The following SCD variants were observed in gnomAD, a reference collection of about 807,000 sequenced individuals.
SCD encodes stearoyl-CoA desaturase, also known as acyl-CoA desaturase.
In SCD, 4 loss-of-function variants were observed where a neutral mutation model predicts 35.7. The observed-to-expected ratio is 0.11, with a 90% confidence interval of 0.06 to 0.26. SCD has a LOEUF of 0.26. Among genes scored for constraint, SCD ranks in the 10% least tolerant of loss-of-function variants. The pLI is 1.00. For missense variants in SCD, 282 were observed against 460.7 expected, an observed-to-expected ratio of 0.61 and a Z score of 3.55; for synonymous variants, 150 against 170.2, an observed-to-expected ratio of 0.88 and a Z score of 0.92.
intron 5 of SCD, among the ~76,000 whole-genome samples, chr10:100,358,561 C>T (rs1368193367): frequency 3.5e-5 from 5 of 144,120 alleles, no homozygotes; most frequent in Non-Finnish European, 6.0e-5. Flanking sequence ...CACTGCAGTC[C>T]GCAGTCCGGC....
At chr10:100,353,402 A>G (rs1431562833) in intron 3 of SCD, among the ~76,000 whole-genome samples, 3 of 152,090 alleles carry the variant, frequency 2.0e-5, no homozygotes, top group Non-Finnish European at 2.9e-5. Context: ...TGGCTAACAC[A>G]GTGAAACTCT....
At position 100,356,601 on chromosome 10, in the gene SCD, T is replaced by C. The variant is rs767520845; in HGVS notation, c.717T>C (p.Gly239=). ...CGCTTGTGCCCTGGTATTTCTGGGG[T>C]GAAACTTTTCAAAACAGTGTGTTCG... The part of the protein sequence containing the change: ...LPTLVPWYFW[G]ETFQNSVFVA... Residue 239 remains glycine, a synonymous_variant, in exon 5 of 6, where the codon GGT becomes GGC. Transcript: ENST00000370355. This position sits in a 1 kb window ranked among gnomAD's most constrained non-coding sequence, Gnocchi z 4.1. 1 of 1,614,184 alleles carries C rather than the reference T, an allele frequency of 6.2e-7. No individual in the cohort carries two copies. Among genetic ancestry groups the C allele is most frequent in the South Asian group, 1.1e-5 (1 of 91,082 alleles).
At chr10:100,353,439 G>A (rs1170032577) in intron 3 of SCD, among the ~76,000 whole-genome samples, 1 of 152,074 alleles carries the variant, frequency 6.6e-6, no homozygotes, top group African/African-American at 2.4e-5. Flanking sequence ...CAAAAAATTA[G>A]CCAGGCGTGG....
At chr10:100,355,577 G>A (rs1849919840) in intron 4 of SCD, among the ~76,000 whole-genome samples, 1 of 152,222 alleles carries the variant, frequency 6.6e-6, no homozygotes, top group South Asian at 2.1e-4. Context: ...TTACGGACGT[G>A]CTTTAGGAAG....
rs1416274575 is a variant in SCD at position 100,363,439 on chromosome 10, G to A, written c.*2506G>A. 1 of 152,320 alleles carries A rather than the reference G, an allele frequency of 6.6e-6. No individual in the cohort carries two copies. The highest frequency in any genetic ancestry group is 1.5e-5 in the Non-Finnish European group (1 of 68,034). The allele number at this position is 152,320 out of a possible 1,614,324, so 9.4% of individuals were successfully genotyped here. ...GTTAGCCTGGACTAAAGGCATCCTTGTCTTTTGAGCTATTCACCTCAGTAG... is the reference window on the plus strand; with the variant it reads ...GTTAGCCTGGACTAAAGGCATCCTTATCTTTTGAGCTATTCACCTCAGTAG... On this transcript the variant is annotated 3_prime_UTR_variant, in exon 6 of 6. Coordinates refer to ENST00000370355, the MANE Select transcript of SCD (RefSeq NM_005063.5).
rs1849878951 is a variant in SCD at position 100,352,199 on chromosome 10, A to G, written c.311-167A>G. ...AGAGGTTGGGGGGTGATATTTTTCA[A>G]GTGGTAAAATCTAAGGGATGTGGTT... On this transcript the variant is annotated intron_variant, in intron 2 of 5. Coordinates refer to ENST00000370355, the MANE Select transcript of SCD (RefSeq NM_005063.5). This position sits in a 1 kb window ranked among gnomAD's most constrained non-coding sequence, Gnocchi z 4.2. Among the ~76,000 whole-genome samples, 1 of 151,934 alleles carries G rather than the reference A, an allele frequency of 6.6e-6. No homozygotes were observed. Among genetic ancestry groups the G allele is most frequent in the African/African-American group, 2.4e-5 (1 of 41,346 alleles).
chr10:100,354,807 CTA>C (rs1435455945), intron 4 of SCD, among the ~76,000 whole-genome samples, 175 bp downstream of exon 4: 1 of 152,212 alleles, frequency 6.6e-6, no homozygotes, highest in Non-Finnish European at 1.5e-5. Context: ...TAGCCATAGA[CTA>C]TTGCTCCATT....
In SCD at chr10:100,356,515, CT is replaced by C. The variant is rs1199345691; in HGVS notation, c.648-16del. ...GAGTCCCCCTCCATTGACCTGGTGT[CT>C]GGTCTGTCAATGTAGGTACTACAAA... On this transcript the variant is annotated splice_polypyrimidine_tract_variant and intron_variant, in intron 4 of 5. Transcript: ENST00000370355. The surrounding 1 kb of genome is among the most constrained non-coding windows in gnomAD (Gnocchi z 4.1). The C allele has an allele frequency of 6.3e-7, 1 of 1,593,792 alleles. No homozygotes were observed. Among genetic ancestry groups the C allele is most frequent in the South Asian group, 1.1e-5 (1 of 90,690 alleles).
Position 100,354,549 on chromosome 10 carries a change from C to G in SCD, c.564C>G (p.Arg188=), listed in dbSNP as rs750554323. Reference sequence around the variant, plus strand: ...CTCACGTGGGTTGGCTGCTTGTGCGCAAACACCCAGCTGTCAAAGAGAAGG... The same window carrying G: ...CTCACGTGGGTTGGCTGCTTGTGCGGAAACACCCAGCTGTCAAAGAGAAGG... ...FFSHVGWLLV[R]KHPAVKEKGS... is the part of the protein sequence containing the mutation. The change falls in exon 4 of 6, where the codon CGC becomes CGG. Residue 188 remains arginine (R), a synonymous_variant. Transcript: ENST00000370355. The G allele has an allele frequency of 6.2e-6, 10 of 1,614,028 alleles. No homozygotes were observed.
intron 2 of SCD, among the ~76,000 whole-genome samples, chr10:100,350,271 G>T (rs1021216665): frequency 6.6e-6 from 1 of 152,116 alleles, no homozygotes; most frequent in East Asian, 1.9e-4. Flanking sequence ...AGGGTCAGAG[G>T]TCTCAACTTG....
rs745444418 is a variant in SCD at position 100,356,569 on chromosome 10, C to T, written c.685C>T (p.Leu229=). 4 of 1,614,084 alleles carry T rather than the reference C, an allele frequency of 2.5e-6. No individual in the cohort carries two copies. The highest frequency in any genetic ancestry group is 3.4e-6 in the Non-Finnish European group (4 of 1,179,932). Residue 229 remains leucine (L), a synonymous_variant, in exon 5 of 6, where the codon CTG becomes TTG. Coordinates refer to ENST00000370355, the MANE Select transcript of SCD (RefSeq NM_005063.5). This position sits in a 1 kb window ranked among gnomAD's most constrained non-coding sequence, Gnocchi z 4.1. The part of the protein sequence containing the change: ...KPGLLMMCFI[L]PTLVPWYFWG... ...TGGCTTGCTGATGATGTGCTTCATC[C>T]TGCCCACGCTTGTGCCCTGGTATTT... is the stretch of plus-strand genomic sequence containing the variant.
At chr10:100,347,775 T>G (rs1849815559) in intron 1 of SCD, among the ~76,000 whole-genome samples, 1 of 152,052 alleles carries the variant, frequency 6.6e-6, no homozygotes, top group South Asian at 2.1e-4. Context: ...ATTATGCGGG[T>G]TTTCCTTTGT....
Position 100,354,443 on chromosome 10 carries a change from G to A in SCD, c.458G>A (p.Trp153Ter), listed in dbSNP as rs1298783518. The change falls in exon 4 of 6, where the codon TGG (tryptophan) becomes TAG (stop). Residue 153 changes from tryptophan to a stop codon, truncating the protein, a stop_gained. Transcript: ENST00000370355. LOFTEE classifies it high-confidence loss of function. ...TCTCCCCAGAATGATGTCTATGAATGGGCTCGTGACCACCGTGCCCACCAC... is the reference window on the plus strand; with the variant it reads ...TCTCCCCAGAATGATGTCTATGAATAGGCTCGTGACCACCGTGCCCACCAC... ...TMAFQNDVYE[W>*]ARDHRAHHKF... 1 of 1,613,706 alleles carries A rather than the reference G, an allele frequency of 6.2e-7. No homozygotes were observed. The highest frequency in any genetic ancestry group is 8.5e-7 in the Non-Finnish European group (1 of 1,179,654).
chr10:100,359,092 C>A (rs560966430), intron 5 of SCD, among the ~76,000 whole-genome samples: 1 of 152,236 alleles, frequency 6.6e-6, no homozygotes, highest in East Asian at 1.9e-4. Flanking sequence ...GAGTTTCTGG[C>A]ATGAGATGTT....
intron 2 of SCD, among the ~76,000 whole-genome samples, chr10:100,349,170 C>T (rs746242961): frequency 5.3e-5 from 8 of 152,226 alleles, no homozygotes; most frequent in Admixed American, 2.0e-4. Flanking sequence ...AAAGAGAGCC[C>T]GGTCTTGAGG....
chr10:100,359,605 A>G (rs1305628548), intron 5 of SCD, among the ~76,000 whole-genome samples: 1 of 152,124 alleles, frequency 6.6e-6, no homozygotes, highest in Non-Finnish European at 1.5e-5. Context: ...CACACTGCAG[A>G]TCATCAGGTG....
In SCD at chr10:100,354,419, C is replaced by T; in HGVS notation, c.442-8C>T. 1 of 1,612,052 alleles carries T rather than the reference C, an allele frequency of 6.2e-7. No individual in the cohort carries two copies. On this transcript the variant is annotated splice_polypyrimidine_tract_variant and splice_region_variant and intron_variant, in intron 3 of 5. Transcript: ENST00000370355. ...CAAGCCTTACATTCCTCTTCTCTCTCTCCCCAGAATGATGTCTATGAATGG... is the reference window on the plus strand; with the variant it reads ...CAAGCCTTACATTCCTCTTCTCTCTTTCCCCAGAATGATGTCTATGAATGG...
intron 5 of SCD, among the ~76,000 whole-genome samples, chr10:100,358,452 C>T (rs1179681993): frequency 1.3e-5 from 2 of 151,636 alleles, no homozygotes; most frequent in Non-Finnish European, 2.9e-5. Flanking sequence ...ATTAGCCAGG[C>T]GCAGTGGCGG....
chr10:100,351,419 A>G (rs935986648), intron 2 of SCD, among the ~76,000 whole-genome samples: 1 of 151,968 alleles, frequency 6.6e-6, no homozygotes, highest in Admixed American at 6.6e-5. Context: ...ATCTTGGGGG[A>G]GGTGGATGGT....
Sources: gnomAD v4.1 joint callset for allele counts (sites outside exome capture counted in the v4.1 genomes callset) on GRCh38, gnomAD v4.1.1 for gene constraint, Gnocchi (gnomAD v3.1) non-coding constraint, MANE v1.5 for transcripts, NCBI Gene and HGNC (gene_info 2026-07-23, HGNC 2026-07-21) for gene names.